Variants in ADAMTS9 observed in about 807,000 individuals in gnomAD.
ADAMTS9 encodes the protein A disintegrin and metalloproteinase with thrombospondin motifs 9.
A neutral mutation model predicts 257.1 loss-of-function variants in ADAMTS9; 107 were observed. The observed-to-expected ratio is 0.42, with a 90% CI of 0.36 to 0.49. ADAMTS9 has a LOEUF of 0.49. Among genes scored for constraint, ADAMTS9 ranks in the 20% least tolerant of loss-of-function variants. ADAMTS9 has a pLI of 0.03. For missense variants in ADAMTS9, 2,353 were observed against 2,469.1 expected, an observed-to-expected ratio of 0.95 and a Z score of 1.00; for synonymous variants, 982 against 880.9, an observed-to-expected ratio of 1.11 and a Z score of -2.03.
rs76999510 is a variant in ADAMTS9, at chr3:64,601,886, T to G, written c.4017+58A>C. On this transcript the variant is annotated intron_variant, in intron 26 of 39. Coordinates refer to ENST00000498707, the MANE Select transcript of ADAMTS9 (RefSeq NM_182920.2). Reference sequence around the variant, plus strand: ...GCTCTAAAGGTGTTTCTAGTCTCTTTTACCCTAAACCCAACCTCAAGTGAA... The same window carrying G: ...GCTCTAAAGGTGTTTCTAGTCTCTTGTACCCTAAACCCAACCTCAAGTGAA... The G allele has an allele frequency of 0.01, 15,889 of 1,528,126 alleles. 1,351 individuals are homozygous for G. In the African/African-American group the frequency reaches 0.19, roughly 18 times the overall value. 94.7% of individuals were successfully genotyped at this position (1,528,126 alleles called of 1,614,324 possible).
At chr3:64,531,439 C>T (rs1001730130) in intron 38 of ADAMTS9, among the ~76,000 whole-genome samples, 1 of 150,196 alleles carries the variant, frequency 6.7e-6, no homozygotes, top group African/African-American at 2.5e-5. Flanking sequence ...GATAACAGTA[C>T]ACTTATTGTA....
intron 32 of ADAMTS9, among the ~76,000 whole-genome samples, chr3:64,545,170 C>G (rs1213710927): frequency 1.3e-5 from 2 of 152,184 alleles, no homozygotes; most frequent in African/African-American, 2.4e-5. Context: ...GGACTGTAAA[C>G]TAGTTCAACC....
intron 22 of ADAMTS9, among the ~76,000 whole-genome samples, chr3:64,612,695 C>T (rs927566441): frequency 1.1e-4 from 16 of 152,132 alleles, no homozygotes; most frequent in African/African-American, 3.6e-4. Context: ...GTACCCTGAA[C>T]GCTTCTGCTT....
chr3:64,640,632 G>C (rs186610853), intron 12 of ADAMTS9, among the ~76,000 whole-genome samples: 17 of 152,174 alleles, frequency 1.1e-4, no homozygotes, highest in Non-Finnish European at 2.5e-4. Context: ...TCAAAAAATT[G>C]TTCCTATAGA....
chr3:64,666,256 T>C (rs1701352355), intron 3 of ADAMTS9, among the ~76,000 whole-genome samples: 1 of 152,214 alleles, frequency 6.6e-6, no homozygotes, highest in South Asian at 2.1e-4. Flanking sequence ...TATTCAGTGG[T>C]TACTCACTGA....
intron 3 of ADAMTS9, among the ~76,000 whole-genome samples, chr3:64,676,200 T>C (rs1215984106): frequency 6.6e-6 from 1 of 152,012 alleles, no homozygotes; most frequent in African/African-American, 2.4e-5. Flanking sequence ...TCCAAGAAAA[T>C]AAAGGACCGA....
intron 18 of ADAMTS9, 31 bp downstream of exon 18, chr3:64,622,167 A>G (rs1216210269): frequency 1.9e-6 from 3 of 1,569,060 alleles, no homozygotes; most frequent in Middle Eastern, 1.7e-4. Flanking sequence ...AAACTTCTCA[A>G]ATCCCCAGAA....
At position 64,526,013 on chromosome 3, in the gene ADAMTS9, T is replaced by C. The variant is rs888712854; in HGVS notation, c.5719-3753A>G. ...AAATATTTTATATATTTTATATTTA[T>C]ATAATATAATATATAGTATAATGTA... On this transcript the variant is annotated intron_variant, in intron 38 of 39. Coordinates refer to ENST00000498707, the MANE Select transcript of ADAMTS9 (RefSeq NM_182920.2). 2.0e-5 allele frequency among the ~76,000 whole-genome samples: 3 copies of C among 147,350 alleles called. No individual in the cohort carries two copies. The South Asian group carries it at 6.3e-4, about 31-fold the overall frequency.
At chr3:64,587,803 T>G (rs994680527) in intron 28 of ADAMTS9, 10 of 152,102 alleles carry the variant, frequency 6.6e-5, no homozygotes, top group African/African-American at 2.4e-4. Context: ...TGATCCCACT[T>G]TAGAGAAAAC....
At position 64,540,985 on chromosome 3, in the gene ADAMTS9, ATGTG is replaced by A; in HGVS notation, c.5521+106_5521+109del. On this transcript the variant is annotated intron_variant, in intron 36 of 39. Coordinates refer to ENST00000498707, the MANE Select transcript of ADAMTS9 (RefSeq NM_182920.2). ...TCCTCTCCATACTAGCCAATGTGCA[ATGTG>A]CAATGTGCAATACGCACCTCCCTGC... 3.6e-6 allele frequency: 5 copies of A among 1,403,188 alleles called. 1 individual carries two copies. Among genetic ancestry groups the A allele is most frequent in the Non-Finnish European group, 4.9e-6 (5 of 1,020,676 alleles). 86.9% of individuals were successfully genotyped at this position (1,403,188 alleles called of 1,614,324 possible). A position where few individuals can be genotyped will look rare whatever the true frequency, so the allele number is the denominator to read the frequency against.
chr3:64,625,939 A>G (rs903908913), intron 16 of ADAMTS9, among the ~76,000 whole-genome samples: 2 of 152,194 alleles, frequency 1.3e-5, no homozygotes, highest in Non-Finnish European at 2.9e-5. Flanking sequence ...GGTCAGCCAT[A>G]TATCCTTCTA....
At chr3:64,536,625 A>G (rs2083053337) in intron 37 of ADAMTS9, among the ~76,000 whole-genome samples, 1 of 152,202 alleles carries the variant, frequency 6.6e-6, no homozygotes, top group South Asian at 2.1e-4. Context: ...GCAGCTGTGT[A>G]GGTTTGGGCA....
intron 22 of ADAMTS9, among the ~76,000 whole-genome samples, chr3:64,612,729 C>T (rs1280076152): frequency 6.6e-6 from 1 of 152,058 alleles, no homozygotes; most frequent in African/African-American, 2.4e-5. Context: ...GACTTAATTC[C>T]GAGAGTAGTG....
chr3:64,666,455 C>T (rs1345252453), intron 3 of ADAMTS9, among the ~76,000 whole-genome samples: 2 of 152,128 alleles, frequency 1.3e-5, no homozygotes, highest in African/African-American at 4.8e-5. Flanking sequence ...AAGGCGAGAC[C>T]CCTTTCTGCT....
At chr3:64,612,730 G>T (rs534516591) in intron 22 of ADAMTS9, among the ~76,000 whole-genome samples, 1 of 152,150 alleles carries the variant, frequency 6.6e-6, no homozygotes, top group Non-Finnish European at 1.5e-5. Flanking sequence ...ACTTAATTCC[G>T]AGAGTAGTGG....
At chr3:64,522,041 A>G in intron 39 of ADAMTS9, 125 bp downstream of exon 39, 1 of 722,060 alleles carries the variant, frequency 1.4e-6, no homozygotes, top group Middle Eastern at 2.6e-4. Context: ...AAAAGGTAGA[A>G]CTGTATTGGG....
At position 64,613,484 on chromosome 3, in the gene ADAMTS9, T is replaced by C; in HGVS notation, c.3215A>G (p.His1072Arg). 6.2e-7 allele frequency: 1 copy of C among 1,613,832 alleles called. No individual in the cohort carries two copies. Among genetic ancestry groups the C allele is most frequent in the South Asian group, 1.1e-5 (1 of 91,052 alleles). ...CTGACACCAGACCTGGCGGTGCTTA[T>C]GCCCTTTTCCACAGGTGACCAAGCA... ...SECLVTCGKG[H>R]KHRQVWCQFG... The change falls in exon 22 of 40, where the codon CAT becomes CGT. Residue 1072 changes from histidine to arginine, a missense_variant. By Grantham distance (29) the His-to-Arg change is conservative. Around this residue, in one of 3 missense-constraint regions of ADAMTS9, gnomAD observed 1,402 missense variants for 1,441.4 expected, o/e 0.97. Coordinates refer to ENST00000498707, the MANE Select transcript of ADAMTS9 (RefSeq NM_182920.2).
intron 28 of ADAMTS9, 166 bp from the exon 29 acceptor site, chr3:64,568,701 G>A: frequency 1.3e-6 from 1 of 752,064 alleles, no homozygotes; most frequent in East Asian, 3.1e-5. Context: ...GGGAAGGAAG[G>A]TGGCATTGAA....
At chr3:64,526,682 A>T (rs971839382) in intron 38 of ADAMTS9, among the ~76,000 whole-genome samples, 18 of 152,198 alleles carry the variant, frequency 1.2e-4, no homozygotes, top group Non-Finnish European at 2.2e-4. Flanking sequence ...AGCTAACCTG[A>T]ATCAGACTGC....
Sources: allele counts gnomAD v4.1 joint callset (sites outside exome capture counted in the v4.1 genomes callset), GRCh38; gene constraint gnomAD v4.1.1; regional missense constraint gnomAD v4.1.1; transcripts MANE v1.5; gene names NCBI Gene and HGNC (gene_info 2026-07-23, HGNC 2026-07-21).